HECTD4: variants seen among roughly 807,000 people sequenced by gnomAD.
HECTD4 encodes the protein HECT domain E3 ubiquitin protein ligase 4.
HECTD4 carries 114 observed loss-of-function variants against 471.5 expected under a neutral mutation model. The ratio of observed to expected loss-of-function variants is 0.24; its 90% CI spans 0.21 to 0.28. The LOEUF (loss-of-function observed/expected upper bound fraction) is 0.28, where lower values mean the gene tolerates loss of function less well. Among genes scored for constraint, HECTD4 ranks in the 10% least tolerant of loss-of-function variants. HECTD4 has a pLI of 1.00. For missense variants in HECTD4, 3,866 were observed against 5,651.5 expected, an observed-to-expected ratio of 0.68 and a Z score of 10.13; for synonymous variants, 2,012 against 2,256.0, an observed-to-expected ratio of 0.89 and a Z score of 3.07.
intron 13 of HECTD4, among the ~76,000 whole-genome samples, chr12:112,267,608 G>A (rs1323588389): frequency 6.6e-6 from 1 of 152,182 alleles, no homozygotes; most frequent in East Asian, 1.9e-4. Context: ...CTTGGGGCTA[G>A]ATGCAGAACT....
chr12:112,364,136 G>A (rs757315060), intron 1 of HECTD4, among the ~76,000 whole-genome samples: 4 of 151,936 alleles, frequency 2.6e-5, no homozygotes, highest in Non-Finnish European at 5.9e-5. Flanking sequence ...TGGGCACGGT[G>A]GCTCACGCCT....
chr12:112,314,096 T>C (rs908398151), intron 3 of HECTD4, among the ~76,000 whole-genome samples: 14 of 152,160 alleles, frequency 9.2e-5, no homozygotes, highest in Admixed American at 6.5e-4. Context: ...TGGAGTGCAG[T>C]GGTGTGATCT....
Position 112,184,547 on chromosome 12 carries a change from C to G in HECTD4, c.10419G>C (p.Thr3473=). ...TCATGGCGGGGGTCAGGCTGCTGGA[C>G]GTGCTGACCTCCATGCTGTCTGTGC... ...FPGTDSMEVS[T]SSSLTPAMSI... Residue 3473 remains threonine (T), a synonymous_variant, in exon 61 of 76, where the codon ACG becomes ACC. Transcript: ENST00000682272. This position sits in a 1 kb window ranked among gnomAD's most constrained non-coding sequence, Gnocchi z 9.1. The G allele has an allele frequency of 6.2e-6, 10 of 1,612,508 alleles. No individual in the cohort carries two copies. The highest frequency in any genetic ancestry group is 8.5e-6 in the Non-Finnish European group (10 of 1,179,700).
At position 112,163,264 on chromosome 12, in the gene HECTD4, C is replaced by T; in HGVS notation, c.12898G>A (p.Ala4300Thr). ...LPYINLEFLKAHTMYQVGLME... is the reference protein window; with the variant it reads ...LPYINLEFLKTHTMYQVGLME... Reference sequence around the variant, plus strand: ...AGCCCCACTTGGTACATGGTGTGGGCCTGGGGAGGAGAGGTCCAGGTGTCA... The same window carrying T: ...AGCCCCACTTGGTACATGGTGTGGGTCTGGGGAGGAGAGGTCCAGGTGTCA... Residue 4300 changes from alanine (A) to threonine (T), a missense_variant and splice_region_variant, in exon 75 of 76, where the codon GCC becomes ACC. Coordinates refer to ENST00000682272, the MANE Select transcript of HECTD4 (RefSeq NM_001388303.1). The surrounding 1 kb of genome is among the most constrained non-coding windows in gnomAD (Gnocchi z 8.2). 1 of 1,610,680 alleles carries T rather than the reference C, an allele frequency of 6.2e-7. No individual in the cohort carries two copies.
chr12:112,258,865 C>A, intron 19 of HECTD4: 1 of 558,942 alleles, frequency 1.8e-6, no homozygotes, highest in Non-Finnish European at 3.1e-6. Flanking sequence ...TGTATATTAG[C>A]ATTTTTATAG....
At chr12:112,171,467 C>A in intron 67 of HECTD4, 2 of 751,416 alleles carry the variant, frequency 2.7e-6, no homozygotes, top group Non-Finnish European at 4.2e-6. Context: ...GCCTGGCTGG[C>A]CAGATGGAGG....
At chr12:112,215,321 C>T (rs1452474737) in intron 48 of HECTD4, among the ~76,000 whole-genome samples, 2 of 152,168 alleles carry the variant, frequency 1.3e-5, no homozygotes, top group Admixed American at 6.5e-5. Context: ...TCTCATCATC[C>T]CAGATTGTTT....
At chr12:112,244,922 A>G (rs1408233798) in intron 29 of HECTD4, among the ~76,000 whole-genome samples, 1 of 152,248 alleles carries the variant, frequency 6.6e-6, no homozygotes, top group Non-Finnish European at 1.5e-5. Flanking sequence ...AGATAAAACT[A>G]TATGTCATGA....
intron 29 of HECTD4, among the ~76,000 whole-genome samples, chr12:112,244,989 T>C (rs2033726537): frequency 6.6e-6 from 1 of 152,184 alleles, no homozygotes; most frequent in Non-Finnish European, 1.5e-5. Flanking sequence ...TTTGTTTTAT[T>C]TTTCTAAAAT....
intron 48 of HECTD4, among the ~76,000 whole-genome samples, chr12:112,214,688 G>A (rs1358770346): frequency 1.3e-5 from 2 of 152,072 alleles, no homozygotes; most frequent in Non-Finnish European, 2.9e-5. Flanking sequence ...CACTGAAAAC[G>A]CTCCCCCAGC....
At chr12:112,366,038 A>T (rs1344610930) in intron 1 of HECTD4, among the ~76,000 whole-genome samples, 1 of 152,028 alleles carries the variant, frequency 6.6e-6, no homozygotes, top group Non-Finnish European at 1.5e-5. Flanking sequence ...AGCCTCCCAA[A>T]GTGCTGGGAT....
intron 8 of HECTD4, among the ~76,000 whole-genome samples, chr12:112,282,240 A>G (rs1011982802): frequency 3.3e-5 from 5 of 152,060 alleles, no homozygotes; most frequent in Non-Finnish European, 4.4e-5. Flanking sequence ...AAAATTAGCC[A>G]GGCGTGGTAG....
chr12:112,214,981 C>T (rs536983014), intron 48 of HECTD4, among the ~76,000 whole-genome samples: 7 of 152,220 alleles, frequency 4.6e-5, no homozygotes, highest in African/African-American at 1.7e-4. Flanking sequence ...TGGTGAAACC[C>T]CGTCTCTACT....
Position 112,264,125 on chromosome 12 carries a change from C to A in HECTD4, c.2707G>T (p.Asp903Tyr). Residue 903 changes from aspartate (D) to tyrosine (Y), a missense_variant, in exon 17 of 76, where the codon GAC becomes TAC. Transcript: ENST00000682272. ...TCTCCCTGCAAGGAGCTGTCACTGT[C>A]ATCATTCTCATCAGGTTTAATCAAA... The part of the protein sequence containing the change: ...TILIKPDEND[D>Y]SDSSLQGETL... The A allele has an allele frequency of 6.2e-7, 1 of 1,609,074 alleles. No individual in the cohort carries two copies. The highest frequency in any genetic ancestry group is 1.1e-5 in the South Asian group (1 of 89,590).
chr12:112,217,002 T>C (rs2032935003), intron 46 of HECTD4, 32 bp downstream of exon 46: 2 of 1,594,732 alleles, frequency 1.3e-6, no homozygotes, highest in African/African-American at 2.7e-5. Context: ...AATCTGAAGA[T>C]GCAAAAGACA....
rs1271561400 is a variant in HECTD4, at chr12:112,163,307, C to T, written c.12898-43G>A. 3 of 1,548,422 alleles carry T rather than the reference C, an allele frequency of 1.9e-6. No homozygotes were observed. In the South Asian group the frequency reaches 3.6e-5, roughly 19 times the overall value. On this transcript the variant is annotated intron_variant, in intron 74 of 75. Transcript: ENST00000682272. The surrounding 1 kb of genome is among the most constrained non-coding windows in gnomAD (Gnocchi z 8.2). ...AGGTGTCAGGAGCCCTGGAGCCCCACCTACCCAGTGCCTCCCCAGCCCTGG... is the reference window on the plus strand; with the variant it reads ...AGGTGTCAGGAGCCCTGGAGCCCCATCTACCCAGTGCCTCCCCAGCCCTGG...
Position 112,265,946 on chromosome 12 carries a change from C to A in HECTD4, c.2430G>T (p.Val810=). The A allele has an allele frequency of 1.2e-6, 2 of 1,614,004 alleles. No individual in the cohort carries two copies. The highest frequency in any genetic ancestry group is 1.7e-6 in the Non-Finnish European group (2 of 1,179,878). The part of the protein sequence containing the change: ...RNSGLSQLRD[V]ILTNLAEQLQ... ...GCTGTTCAGCCAGGTTGGTTAGGAT[C>A]ACATCCCGTAGCTGGGAGAGTCCAC... is the stretch of plus-strand genomic sequence containing the variant. Residue 810 remains valine (V), a synonymous_variant, in exon 15 of 76, where the codon GTG becomes GTT. Coordinates refer to ENST00000682272, the MANE Select transcript of HECTD4 (RefSeq NM_001388303.1).
chr12:112,282,314 C>T (rs1414129849), intron 8 of HECTD4, among the ~76,000 whole-genome samples: 5 of 151,928 alleles, frequency 3.3e-5, no homozygotes, highest in Non-Finnish European at 7.4e-5. Flanking sequence ...ACCTGGGAGG[C>T]GGAGCTTGCA....
intron 48 of HECTD4, among the ~76,000 whole-genome samples, chr12:112,215,581 G>A (rs1047404378): frequency 5.3e-5 from 8 of 152,150 alleles, no homozygotes; most frequent in African/African-American, 1.4e-4. Flanking sequence ...CATAGAGGCA[G>A]AACATTTGTC....
Sources: gnomAD v4.1 joint callset for allele counts (sites outside exome capture counted in the v4.1 genomes callset) on GRCh38, gnomAD v4.1.1 for gene constraint, Gnocchi (gnomAD v3.1) non-coding constraint, MANE v1.5 for transcripts, NCBI Gene and HGNC (gene_info 2026-07-23, HGNC 2026-07-21) for gene names.